RGS6: variants seen among roughly 807,000 people sequenced by gnomAD.
The protein encoded by RGS6 is regulator of G protein signaling 6, also known as regulator of G-protein signaling 6.
RGS6 carries 30 observed loss-of-function variants against 78.5 expected under a neutral mutation model. The observed-to-expected ratio is 0.38, with a 90% CI of 0.29 to 0.52. The LOEUF is 0.52. RGS6 is among the 20% of genes least tolerant of loss of function. RGS6 has a pLI of 0.85. For synonymous variants in RGS6, 206 were observed against 206.0 expected (o/e 1.00, Z 0.00); for missense variants, 495 against 609.7 (o/e 0.81, Z 1.98).
intron 2 of RGS6, among the ~76,000 whole-genome samples, chr14:72,326,228 G>GGA (rs1205315307): frequency 6.6e-6 from 1 of 152,124 alleles, no homozygotes; most frequent in Non-Finnish European, 1.5e-5. Context: ...TGTCCACGAA[G>GGA]GATATAATCT....
intron 2 of RGS6, among the ~76,000 whole-genome samples, chr14:72,171,126 GCATGCACACACATA>G (rs374901781): frequency 0.02 from 3,081 of 151,996 alleles, 120 homozygotes; most frequent in African/African-American, 0.07. Flanking sequence ...ACATATCCAT[GCATGCACACACATA>G]CATGCACACA....
chr14:72,404,572 G>T (rs922554931), intron 3 of RGS6, among the ~76,000 whole-genome samples: 2 of 152,250 alleles, frequency 1.3e-5, no homozygotes, highest in Non-Finnish European at 2.9e-5. Context: ...AAGACTCTCT[G>T]TGTGGCCCCA....
intron 3 of RGS6, among the ~76,000 whole-genome samples, chr14:72,398,937 T>C (rs2091930489): frequency 6.6e-6 from 1 of 152,070 alleles, no homozygotes; most frequent in Non-Finnish European, 1.5e-5. Flanking sequence ...TAATTTCTAT[T>C]CTTTTACATT....
chr14:72,241,510 T>G (rs2052820951), intron 2 of RGS6, among the ~76,000 whole-genome samples: 1 of 152,250 alleles, frequency 6.6e-6, no homozygotes. Flanking sequence ...CTCCAGGTTA[T>G]AGAAAACGTC....
chr14:72,579,653 G>A, the RGS6 span, among the ~76,000 whole-genome samples: 2 of 152,114 alleles, frequency 1.3e-5, no homozygotes, highest in Admixed American at 1.3e-4. Flanking sequence ...TTAGAACGCT[G>A]GCTGCTCAAC....
intron 2 of RGS6, among the ~76,000 whole-genome samples, chr14:72,016,412 C>G (rs6574038): frequency 0.58 from 88,075 of 151,970 alleles, 26,656 homozygotes; most frequent in South Asian, 0.68. Flanking sequence ...GTTCCCCAGG[C>G]TGGAGTGCAG....
intron 17 of RGS6, among the ~76,000 whole-genome samples, chr14:72,558,127 T>C (rs2097609939): frequency 1.3e-5 from 2 of 152,150 alleles, no homozygotes; most frequent in African/African-American, 4.8e-5. Flanking sequence ...CATGTCCCTT[T>C]CCAATCAATT....
At chr14:72,169,909 C>G (rs528392773) in intron 2 of RGS6, among the ~76,000 whole-genome samples, 16 of 152,272 alleles carry the variant, frequency 1.1e-4, no homozygotes, top group African/African-American at 3.6e-4. Context: ...TACCAAGATT[C>G]CCAGGTAATA....
intron 2 of RGS6, among the ~76,000 whole-genome samples, chr14:72,276,809 A>G (rs115774983): frequency 0.011 from 1,602 of 152,224 alleles, 22 homozygotes; most frequent in African/African-American, 0.037. Context: ...TTCTTTAATA[A>G]ATTACCCAGT....
chr14:72,082,377 T>C (rs1167308494), intron 2 of RGS6, among the ~76,000 whole-genome samples: 1 of 152,152 alleles, frequency 6.6e-6, no homozygotes, highest in African/African-American at 2.4e-5. Context: ...ATATTCATTC[T>C]TAGGTATTTT....
At chr14:72,442,695 C>G (rs1330611524) in intron 3 of RGS6, among the ~76,000 whole-genome samples, 1 of 152,242 alleles carries the variant, frequency 6.6e-6, no homozygotes, top group Non-Finnish European at 1.5e-5. Context: ...TGTCCACTCT[C>G]TCAGACTGCA....
chr14:72,467,756 G>A (rs533517474), intron 7 of RGS6, among the ~76,000 whole-genome samples: 1 of 152,194 alleles, frequency 6.6e-6, no homozygotes, highest in Non-Finnish European at 1.5e-5. Flanking sequence ...ATAAACCTTG[G>A]CCTGGTTGTT....
the RGS6 span, among the ~76,000 whole-genome samples, chr14:71,897,602 C>A: frequency 6.6e-6 from 1 of 152,150 alleles, no homozygotes; most frequent in Non-Finnish European, 1.5e-5. Flanking sequence ...CTCACCACAA[C>A]CTCCACCTCC....
chr14:72,241,996 G>A (rs1355207093), intron 2 of RGS6, among the ~76,000 whole-genome samples: 3 of 152,186 alleles, frequency 2.0e-5, no homozygotes, highest in African/African-American at 7.2e-5. Flanking sequence ...ATCAAATAGT[G>A]ACCTATTTTA....
chr14:72,291,628 A>G (rs1036909208), intron 2 of RGS6, among the ~76,000 whole-genome samples: 2 of 152,198 alleles, frequency 1.3e-5, no homozygotes, highest in African/African-American at 4.8e-5. Context: ...AGCAAGCCAG[A>G]CTTTCTGATG....
chr14:72,086,242 T>C lies in RGS6; in HGVS notation c.84+121367T>C, dbSNP rs894040297. 2.0e-5 allele frequency among the ~76,000 whole-genome samples: 3 copies of C among 152,224 alleles called. No homozygotes were observed. In the East Asian group the frequency reaches 5.8e-4, roughly 29 times the overall value. On this transcript the variant is annotated intron_variant, in intron 2 of 17. Coordinates refer to ENST00000553525, the MANE Select transcript of RGS6 (RefSeq NM_001204424.2). ...GGGAGATGAAGTCGTTTTTCAAAAG[T>C]GTTCTGGGTCCAGAGACGTTTGCTC...
chr14:72,232,720 G>C (rs2049972318), intron 2 of RGS6, among the ~76,000 whole-genome samples: 1 of 152,146 alleles, frequency 6.6e-6, no homozygotes, highest in Admixed American at 6.5e-5. Flanking sequence ...TATTGACCAT[G>C]GGCTAGGGGT....
At chr14:72,365,418 T>G (rs113891497) in intron 3 of RGS6, among the ~76,000 whole-genome samples, 1 of 152,056 alleles carries the variant, frequency 6.6e-6, no homozygotes, top group African/African-American at 2.4e-5. Flanking sequence ...AAGATCAGAG[T>G]TGAAGAGATG....
chr14:72,534,256 T>C (rs749547150), intron 15 of RGS6, among the ~76,000 whole-genome samples: 3 of 152,254 alleles, frequency 2.0e-5, no homozygotes, highest in Non-Finnish European at 4.4e-5. Context: ...AAAGTATTTT[T>C]TAATTAAGGT....
Sources: gnomAD v4.1 joint callset for allele counts (sites outside exome capture counted in the v4.1 genomes callset) on GRCh38, gnomAD v4.1.1 for gene constraint, MANE v1.5 for transcripts, NCBI Gene and HGNC (gene_info 2026-07-23, HGNC 2026-07-21) for gene names.